Variants in GOLGA4 observed in about 807,000 individuals in gnomAD.
GOLGA4 encodes golgin A4, also known as golgin subfamily A member 4.
A neutral mutation model predicts 265.9 loss-of-function variants in GOLGA4; 169 were observed. The ratio of observed to expected loss-of-function variants is 0.64; its 90% CI spans 0.56 to 0.72. The LOEUF (loss-of-function observed/expected upper bound fraction) is 0.72, where lower values mean the gene tolerates loss of function less well. Ranked by LOEUF, GOLGA4 falls within the 30% of genes least tolerant of loss-of-function variation. The pLI, the probability that GOLGA4 is intolerant of heterozygous loss-of-function variation, is 0.00. For missense variants in GOLGA4, 2,482 were observed against 2,483.4 expected (o/e 1.00, Z 0.01); for synonymous variants, 923 against 855.8 (o/e 1.08, Z -1.37).
chr3:37,247,195 T>C (rs1415645971), intron 1 of GOLGA4, among the ~76,000 whole-genome samples: 2 of 152,236 alleles, frequency 1.3e-5, no homozygotes, highest in Admixed American at 6.5e-5. Context: ...AACTGGGATG[T>C]CAAATTGATT....
chr3:37,327,910 A>T, intron 14 of GOLGA4, 85 bp downstream of exon 14: 1 of 1,079,722 alleles, frequency 9.3e-7, no homozygotes, highest in Non-Finnish European at 1.3e-6. Context: ...AGTTATTTTA[A>T]ATTATTTGGA....
intron 2 of GOLGA4, among the ~76,000 whole-genome samples, chr3:37,265,350 TAG>T (rs141648864): frequency 0.01 from 1,596 of 152,156 alleles, 14 homozygotes; most frequent in Non-Finnish European, 0.017. Context: ...TTTAAACTTA[TAG>T]AGTTTCAAAT....
At position 37,243,848 on chromosome 3, in the gene GOLGA4, G is replaced by A. The variant is rs996750711; in HGVS notation, c.72+226G>A. On this transcript the variant is annotated intron_variant, in intron 1 of 23. Coordinates refer to ENST00000361924, the MANE Select transcript of GOLGA4 (RefSeq NM_002078.5). ...CTTCATCCAGTCAATGAGTGGATGG[G>A]GGTGGCTGGATCCCTCGTGACATTC... The A allele has an allele frequency of 6.6e-5, 37 of 563,382 alleles. 1 individual carries two copies. Among genetic ancestry groups the A allele is most frequent in the South Asian group, 5.7e-4 (25 of 43,748 alleles). The allele number at this position is 563,382 out of a possible 1,614,324, so 34.9% of individuals were successfully genotyped here.
intron 2 of GOLGA4, among the ~76,000 whole-genome samples, chr3:37,255,149 G>A (rs1368395023): frequency 6.6e-6 from 1 of 150,494 alleles, no homozygotes; most frequent in Admixed American, 6.6e-5. Context: ...TTGTTTTGTT[G>A]TCATCATTAT....
rs1417324300 is a variant in GOLGA4 at position 37,282,077 on chromosome 3, A to G, written c.282A>G (p.Val94=). The change falls in exon 3 of 24, where the codon GTA becomes GTG. Residue 94 remains valine, a synonymous_variant. Coordinates refer to ENST00000361924, the MANE Select transcript of GOLGA4 (RefSeq NM_002078.5). ...GGTCTTCTTCTAAAGAGTCTTTGGT[A>G]CGAACATCTTCCAGAGAATCCCTGA... The part of the protein sequence containing the change: ...LFRSSSKESL[V]RTSSRESLNR... 1.9e-6 allele frequency: 3 copies of G among 1,614,016 alleles called. No homozygotes were observed. The highest frequency in any genetic ancestry group is 8.5e-7 in the Non-Finnish European group (1 of 1,179,996).
chr3:37,331,456 A>G (rs897967611), intron 16 of GOLGA4, among the ~76,000 whole-genome samples: 1 of 152,156 alleles, frequency 6.6e-6, no homozygotes, highest in East Asian at 1.9e-4. Flanking sequence ...TGCAAATACT[A>G]CTAAAAAGGG....
chr3:37,315,034 G>A (rs2096933702), intron 10 of GOLGA4, among the ~76,000 whole-genome samples: 1 of 152,082 alleles, frequency 6.6e-6, no homozygotes, highest in Admixed American at 6.5e-5. Context: ...TTGATGATAA[G>A]AACTTTAGAG....
At chr3:37,354,288 C>T (rs933122359) in intron 21 of GOLGA4, among the ~76,000 whole-genome samples, 1 of 152,002 alleles carries the variant, frequency 6.6e-6, no homozygotes, top group African/African-American at 2.4e-5. Flanking sequence ...CCCTCCCATC[C>T]ACGGTAGGAA....
intron 5 of GOLGA4, among the ~76,000 whole-genome samples, chr3:37,291,797 A>G (rs1252709177): frequency 4.6e-5 from 7 of 152,182 alleles, no homozygotes. Flanking sequence ...TTTCCTGCCT[A>G]AATCCATAAT....
chr3:37,335,156 G>T lies in GOLGA4; in HGVS notation c.6296G>T (p.Gly2099Val). ...AAGCTAGAGCAGGAGGAGAACCCTGGCAATGATAATGTGAGAGGAGTTTGA... is the reference window on the plus strand; with the variant it reads ...AAGCTAGAGCAGGAGGAGAACCCTGTCAATGATAATGTGAGAGGAGTTTGA... ...QQKLEQEENP[G>V]NDNVTIMELQ... is the part of the protein sequence containing the mutation. Residue 2099 changes from glycine to valine, a missense_variant, in exon 17 of 24, where the codon GGC becomes GTC. Around this residue, in one of 3 missense-constraint regions of GOLGA4, gnomAD observed 942 missense variants for 983.1 expected, o/e 0.96. Transcript: ENST00000361924. 2 of 1,571,968 alleles carry T rather than the reference G, an allele frequency of 1.3e-6. No homozygotes were observed. The highest frequency in any genetic ancestry group is 1.7e-6 in the Non-Finnish European group (2 of 1,145,346).
chr3:37,283,605 A>G (rs899121445), intron 3 of GOLGA4, among the ~76,000 whole-genome samples: 3 of 152,034 alleles, frequency 2.0e-5, no homozygotes, highest in African/African-American at 7.2e-5. Flanking sequence ...TGGAGCTTCA[A>G]CTTCCTGGGC....
chr3:37,293,802 T>C (rs1306341414), intron 5 of GOLGA4, among the ~76,000 whole-genome samples: 1 of 152,246 alleles, frequency 6.6e-6, no homozygotes, highest in African/African-American at 2.4e-5. Context: ...TTTGTCATTG[T>C]GCAAATACCA....
At chr3:37,311,044 A>G (rs1314567869) in intron 10 of GOLGA4, among the ~76,000 whole-genome samples, 1 of 152,156 alleles carries the variant, frequency 6.6e-6, no homozygotes, top group South Asian at 2.1e-4. Flanking sequence ...AGGGTAGGGA[A>G]TTCACTTTTA....
intron 16 of GOLGA4, among the ~76,000 whole-genome samples, chr3:37,332,667 T>G (rs1245616867): frequency 6.6e-6 from 1 of 152,166 alleles, no homozygotes; most frequent in Non-Finnish European, 1.5e-5. Flanking sequence ...TACCCATTCC[T>G]CCTGTGTTCT....
intron 10 of GOLGA4, among the ~76,000 whole-genome samples, chr3:37,307,708 T>C (rs2096910748): frequency 6.6e-6 from 1 of 152,184 alleles, no homozygotes; most frequent in South Asian, 2.1e-4. Flanking sequence ...ATTTTGGCAC[T>C]AAATGAATAA....
intron 7 of GOLGA4, among the ~76,000 whole-genome samples, chr3:37,297,664 G>A (rs1360218201): frequency 6.6e-6 from 1 of 152,098 alleles, no homozygotes; most frequent in African/African-American, 2.4e-5. Flanking sequence ...GGTTTGGAAG[G>A]GTGCCAGTTT....
At chr3:37,355,905 C>G (rs2097089715) in intron 22 of GOLGA4, among the ~76,000 whole-genome samples, 2 of 151,826 alleles carry the variant, frequency 1.3e-5, no homozygotes, top group South Asian at 4.2e-4. Flanking sequence ...CCGTGAATAC[C>G]CTTCTCCTCC....
At chr3:37,275,898 T>C in intron 2 of GOLGA4, 1 of 1,613,760 alleles carries the variant, frequency 6.2e-7, no homozygotes, top group Non-Finnish European at 8.5e-7. Context: ...GCAAAGTCTC[T>C]CATCAAATCC....
intron 3 of GOLGA4, among the ~76,000 whole-genome samples, chr3:37,285,153 CTT>C (rs542285622): frequency 0.052 from 6,600 of 127,592 alleles, 354 homozygotes; most frequent in African/African-American, 0.14. Flanking sequence ...AGATGAGTAA[CTT>C]TTTTTTTTTT....
Sources: gnomAD v4.1 joint callset for allele counts (sites outside exome capture counted in the v4.1 genomes callset) on GRCh38, gnomAD v4.1.1 for gene constraint, gnomAD v4.1.1 regional missense constraint, MANE v1.5 for transcripts, NCBI Gene and HGNC (gene_info 2026-07-23, HGNC 2026-07-21) for gene names.